TMCO4: variants seen among roughly 807,000 people sequenced by gnomAD.
The protein encoded by TMCO4 is transmembrane and coiled-coil domains 4.
TMCO4 carries 58 observed loss-of-function variants against 64.7 expected under a neutral mutation model. The ratio of observed to expected loss-of-function variants is 0.90; its 90% confidence interval spans 0.73 to 1.12. TMCO4 has a LOEUF of 1.12. TMCO4 is among the 50% of genes most tolerant of loss of function. TMCO4 has a pLI of 0.00. For synonymous variants in TMCO4, 325 were observed against 346.1 expected (o/e 0.94, Z 0.68); for missense variants, 780 against 825.9 (o/e 0.94, Z 0.68).
chr1:19,715,876 G>A (rs929550510), intron 13 of TMCO4, among the ~76,000 whole-genome samples: 8 of 152,220 alleles, frequency 5.3e-5, no homozygotes, highest in African/African-American at 7.2e-5. Flanking sequence ...CATTAGAGAC[G>A]GAGGGAGCGC....
At chr1:19,774,541 A>G (rs6426826) in intron 4 of TMCO4, among the ~76,000 whole-genome samples, 73,170 of 152,040 alleles carry the variant, frequency 0.48, 18,337 homozygotes, top group African/African-American at 0.64. Flanking sequence ...TTCTTTCCAT[A>G]GACAAATGAA....
chr1:19,797,927 GGAGA>G (rs1175071558), intron 2 of TMCO4: 6 of 134,568 alleles, frequency 4.5e-5, no homozygotes, highest in South Asian at 2.4e-4. Flanking sequence ...AGGGAGGGAG[GGAGA>G]GAGAGAGAAA....
At position 19,723,922 on chromosome 1, in the gene TMCO4, C is replaced by G. The variant is rs138950908; in HGVS notation, c.1264+13450G>C. ...CTGGAGCAAGCCCCCAAATTCCTGC[C>G]TTCTTTAAATAACAGAGACAACCCA... On this transcript the variant is annotated intron_variant, in intron 13 of 15. Coordinates refer to ENST00000294543, the MANE Select transcript of TMCO4 (RefSeq NM_181719.7). Among the ~76,000 whole-genome samples the G allele has an allele frequency of 1.7e-3, 260 of 152,266 alleles. 1 individual carries two copies. Among genetic ancestry groups the G allele is most frequent in the African/African-American group, 6.0e-3 (249 of 41,546 alleles).
rs144865016 is a variant in TMCO4 at position 19,717,245 on chromosome 1, G to A, written c.1265-16360C>T. 1.4e-3 allele frequency among the ~76,000 whole-genome samples: 211 copies of A among 152,296 alleles called. 1 individual carries two copies. The highest frequency in any genetic ancestry group is 4.8e-3 in the African/African-American group (199 of 41,564). On this transcript the variant is annotated intron_variant, in intron 13 of 15. Coordinates refer to ENST00000294543, the MANE Select transcript of TMCO4 (RefSeq NM_181719.7). ...TTAAAAAGAGGAATCCAGGACTAGA[G>A]GGTGTGTGGCTTCCCCAGCTGCAGG...
At chr1:19,703,662 C>T (rs973067619) in intron 13 of TMCO4, among the ~76,000 whole-genome samples, 4 of 151,934 alleles carry the variant, frequency 2.6e-5, no homozygotes, top group Non-Finnish European at 2.9e-5. Context: ...ATCCTCCTGC[C>T]TCAGCCTCCC....
intron 14 of TMCO4, among the ~76,000 whole-genome samples, chr1:19,697,515 C>T (rs1346143723): frequency 6.6e-6 from 1 of 152,110 alleles, no homozygotes; most frequent in Non-Finnish European, 1.5e-5. Context: ...CTCACTGCAG[C>T]CTCTGCCTCC....
At chr1:19,776,147 A>T (rs2043195318) in intron 4 of TMCO4, among the ~76,000 whole-genome samples, 1 of 152,234 alleles carries the variant, frequency 6.6e-6, no homozygotes, top group South Asian at 2.1e-4. Flanking sequence ...ACCTCAAGTG[A>T]TCTGCCCGCC....
chr1:19,739,857 C>T lies in TMCO4; in HGVS notation c.1146G>A (p.Lys382=). ...GGGAGAGCAGGATGTGGGCCAGGTGCTTGCCAACCTCTGCTGATCGATGGA... is the reference window on the plus strand; with the variant it reads ...GGGAGAGCAGGATGTGGGCCAGGTGTTTGCCAACCTCTGCTGATCGATGGA... ...VCLHRSAEVG[K]HLAHILLSRQ... is the part of the protein sequence containing the mutation. Residue 382 remains lysine (K), a synonymous_variant, in exon 12 of 16, where the codon AAG becomes AAA. Transcript: ENST00000294543. 6.2e-7 allele frequency: 1 copy of T among 1,613,862 alleles called. No homozygotes were observed. The highest frequency in any genetic ancestry group is 8.5e-7 in the Non-Finnish European group (1 of 1,179,910).
intron 7 of TMCO4, among the ~76,000 whole-genome samples, chr1:19,754,696 A>T (rs1043293733): frequency 3.3e-5 from 5 of 152,174 alleles, no homozygotes; most frequent in Admixed American, 3.3e-4. Context: ...CAAAGAGCTG[A>T]GCACCGGCCA....
At chr1:19,797,085 T>C (rs966114172) in intron 2 of TMCO4, among the ~76,000 whole-genome samples, 11 of 152,162 alleles carry the variant, frequency 7.2e-5, no homozygotes, top group African/African-American at 2.7e-4. Flanking sequence ...CAGCAGATTT[T>C]TTTGAAGGAC....
chr1:19,761,465 T>C (rs781205598), intron 6 of TMCO4, among the ~76,000 whole-genome samples: 8 of 152,236 alleles, frequency 5.3e-5, no homozygotes, highest in Non-Finnish European at 1.0e-4. Context: ...CCAAAGGAGC[T>C]GGTATCCAGA....
intron 2 of TMCO4, among the ~76,000 whole-genome samples, chr1:19,787,882 A>G (rs1557626860): frequency 6.6e-6 from 1 of 152,084 alleles, no homozygotes; most frequent in Non-Finnish European, 1.5e-5. Flanking sequence ...CAGCCTCCTG[A>G]GTAGCTGGGA....
intron 13 of TMCO4, among the ~76,000 whole-genome samples, chr1:19,736,968 T>G (rs1452860816): frequency 1.3e-5 from 2 of 152,176 alleles, no homozygotes; most frequent in Admixed American, 1.3e-4. Context: ...ATGACATGTC[T>G]ACAAGCCAAG....
chr1:19,731,178 G>A (rs977687684), intron 13 of TMCO4, among the ~76,000 whole-genome samples: 3 of 152,144 alleles, frequency 2.0e-5, no homozygotes, highest in Non-Finnish European at 4.4e-5. Flanking sequence ...AGGGTAGGAG[G>A]CGCTGTGGCC....
At chr1:19,763,007 G>T (rs1272095727) in intron 6 of TMCO4, among the ~76,000 whole-genome samples, 1 of 152,204 alleles carries the variant, frequency 6.6e-6, no homozygotes, top group Non-Finnish European at 1.5e-5. Flanking sequence ...AATGGGTTCA[G>T]TAAGTCTCTT....
intron 2 of TMCO4, among the ~76,000 whole-genome samples, chr1:19,792,475 T>C (rs1266840802): frequency 6.6e-6 from 1 of 152,222 alleles, no homozygotes; most frequent in East Asian, 1.9e-4. Context: ...ATATCTGACC[T>C]CAGCTCCACA....
At chr1:19,794,258 C>T (rs2044196359) in intron 2 of TMCO4, among the ~76,000 whole-genome samples, 1 of 152,238 alleles carries the variant, frequency 6.6e-6, no homozygotes, top group Admixed American at 6.5e-5. Flanking sequence ...ACCCTACCCA[C>T]TGCCCATCCT....
intron 2 of TMCO4, among the ~76,000 whole-genome samples, chr1:19,795,160 G>A (rs961665159): frequency 1.3e-5 from 2 of 150,618 alleles, no homozygotes; most frequent in Admixed American, 1.3e-4. Flanking sequence ...GTATTTTATC[G>A]CCATTTTTAC....
rs532017853 is a variant in TMCO4, at chr1:19,682,283, C to T, written c.*757G>A. Reference sequence around the variant, plus strand: ...ATTGCTGTTGTTATCCCCTCTGTTCCTGCTACAGGAAATTCTTTCCATGTA... The same window carrying T: ...ATTGCTGTTGTTATCCCCTCTGTTCTTGCTACAGGAAATTCTTTCCATGTA... On this transcript the variant is annotated 3_prime_UTR_variant, in exon 16 of 16. Coordinates refer to ENST00000294543, the MANE Select transcript of TMCO4 (RefSeq NM_181719.7). 4 of 257,332 alleles carry T rather than the reference C, an allele frequency of 1.6e-5. No homozygotes were observed. The highest frequency in any genetic ancestry group is 8.7e-5 in the South Asian group (1 of 11,454). The allele number at this position is 257,332 out of a possible 1,614,324, so 15.9% of individuals were successfully genotyped here. A position where few individuals can be genotyped will look rare whatever the true frequency, so the allele number is the denominator to read the frequency against.
Sources: gnomAD v4.1 joint callset for allele counts (sites outside exome capture counted in the v4.1 genomes callset) on GRCh38, gnomAD v4.1.1 for gene constraint, MANE v1.5 for transcripts, NCBI Gene and HGNC (gene_info 2026-07-23, HGNC 2026-07-21) for gene names.